Variants in SULF1 observed in about 807,000 individuals in gnomAD.
SULF1 encodes extracellular sulfatase Sulf-1.
SULF1 carries 46 observed loss-of-function variants against 110.5 expected under a neutral mutation model. That is an observed-to-expected ratio of 0.42 (90% CI 0.33 to 0.53). The LOEUF (loss-of-function observed/expected upper bound fraction) is 0.53. Among genes scored for constraint, SULF1 ranks in the 20% least tolerant of loss-of-function variants. SULF1 has a pLI of 0.12. For missense variants in SULF1, 941 were observed against 1,094.2 expected (o/e 0.86, Z 1.98); for synonymous variants, 371 against 387.1 (o/e 0.96, Z 0.49).
At chr8:69,643,011 C>T (rs1261978313) in intron 22 of SULF1, among the ~76,000 whole-genome samples, 5 of 149,460 alleles carry the variant, frequency 3.3e-5, no homozygotes, top group Non-Finnish European at 7.4e-5. Context: ...TTTTTTTTTC[C>T]CCCTTCTAAG....
intron 1 of SULF1, 106 bp downstream of exon 1, chr8:69,493,231 C>T (rs1396520841): frequency 2.0e-5 from 3 of 152,486 alleles, no homozygotes; most frequent in Admixed American, 2.0e-4. Context: ...TATTATTATT[C>T]ATTATATTCT....
At chr8:69,521,750 A>G (rs1191061003) in intron 3 of SULF1, among the ~76,000 whole-genome samples, 1 of 152,096 alleles carries the variant, frequency 6.6e-6, no homozygotes, top group Non-Finnish European at 1.5e-5. Flanking sequence ...AGGATTTTGT[A>G]CAAAGGAAAC....
At chr8:69,639,324 G>A (rs142663993) in intron 21 of SULF1, among the ~76,000 whole-genome samples, 40 of 152,304 alleles carry the variant, frequency 2.6e-4, no homozygotes, top group African/African-American at 9.4e-4. Flanking sequence ...CACTGAATTA[G>A]ATTTCTTTTG....
chr8:69,537,454 A>G (rs1813500666), intron 3 of SULF1, among the ~76,000 whole-genome samples: 1 of 152,234 alleles, frequency 6.6e-6, no homozygotes, highest in Non-Finnish European at 1.5e-5. Flanking sequence ...GACTCTGTTA[A>G]GAGATTTTTT....
chr8:69,549,978 G>A (rs1366255982), intron 3 of SULF1, among the ~76,000 whole-genome samples: 1 of 151,948 alleles, frequency 6.6e-6, no homozygotes. Context: ...GGCTGTACAT[G>A]GTGTGTGGCT....
chr8:69,521,348 G>A (rs966486138), intron 3 of SULF1, among the ~76,000 whole-genome samples: 4 of 152,090 alleles, frequency 2.6e-5, no homozygotes, highest in African/African-American at 9.7e-5. Context: ...CAGACAATAA[G>A]ACTAACCACA....
intron 8 of SULF1, among the ~76,000 whole-genome samples, chr8:69,599,654 T>C (rs1260322667): frequency 3.3e-5 from 5 of 152,222 alleles, no homozygotes; most frequent in African/African-American, 9.6e-5. Flanking sequence ...ATGTGCTTAA[T>C]AACATTGAAG....
At chr8:69,591,487 C>T (rs1806896742) in intron 8 of SULF1, among the ~76,000 whole-genome samples, 1 of 151,766 alleles carries the variant, frequency 6.6e-6, no homozygotes, top group South Asian at 2.1e-4. Context: ...TGGCATGAAC[C>T]CGGGAGGCGG....
chr8:69,617,562 C>T (rs1809281599), intron 13 of SULF1, among the ~76,000 whole-genome samples: 1 of 150,752 alleles, frequency 6.6e-6, no homozygotes, highest in Admixed American at 6.6e-5. Context: ...ATCCACCACA[C>T]CCAGCTCTGA....
chr8:69,539,473 GA>G (rs2150665407), intron 3 of SULF1, among the ~76,000 whole-genome samples: 1 of 152,260 alleles, frequency 6.6e-6, no homozygotes, highest in Admixed American at 6.5e-5. Flanking sequence ...ATGTAGATAT[GA>G]CTGCAAACAC....
chr8:69,590,701 G>A lies in SULF1; in HGVS notation c.734+1560G>A, dbSNP rs369395668. 7.9e-5 allele frequency among the ~76,000 whole-genome samples: 12 copies of A among 152,296 alleles called. No homozygotes were observed. The East Asian group carries it at 1.7e-3, about 22-fold the overall frequency. On this transcript the variant is annotated intron_variant, in intron 8 of 22. Transcript: ENST00000402687. ...TAAAATATCATCGACAAATCATGAA[G>A]GTTGCCCCAGCACCTGGGAATATAG...
Position 69,579,565 on chromosome 8 carries a change from A to AC in SULF1, c.412+3356_412+3357insC, listed in dbSNP as rs199572164. The stretch of plus-strand genomic sequence containing the variant: ...CTCTGTCACACACACACACACACAC[A>AC]AAAAAAAAAAAAAATGGGAAGACTG... On this transcript the variant is annotated intron_variant, in intron 6 of 22. Transcript: ENST00000402687. Among the ~76,000 whole-genome samples the AC allele has an allele frequency of 7.3e-3, 690 of 94,236 alleles. 10 individuals carry two copies. Among genetic ancestry groups the AC allele is most frequent in the Admixed American group, 0.063 (490 of 7,834 alleles). The allele number at this position is 94,236 out of a possible 152,430, so 61.8% of individuals were successfully genotyped here. A position where few individuals can be genotyped will look rare whatever the true frequency, so the allele number is the denominator to read the frequency against.
chr8:69,482,402 T>A (rs1281619065), intron 1 of SULF1, among the ~76,000 whole-genome samples: 1 of 152,210 alleles, frequency 6.6e-6, no homozygotes, highest in East Asian at 1.9e-4. Context: ...ACCTTATGGA[T>A]CATGCCACAT....
chr8:69,564,068 A>T lies in SULF1; in HGVS notation c.93A>T (p.Arg31Ser). ...LCSTVRSPRF[R>S]GRIQQERKNI... ...CGACTGTCAGATCCCCGAGGTTCAG[A>T]GGACGGATACAGCAGGAACGAAAAA... The change falls in exon 5 of 23, where the codon AGA becomes AGT. Residue 31 changes from arginine (R) to serine (S), a missense_variant. Coordinates refer to ENST00000402687, the MANE Select transcript of SULF1 (RefSeq NM_001128205.2). The T allele has an allele frequency of 2.5e-6, 4 of 1,614,218 alleles. No homozygotes were observed. The highest frequency in any genetic ancestry group is 3.4e-6 in the Non-Finnish European group (4 of 1,180,042).
intron 3 of SULF1, among the ~76,000 whole-genome samples, chr8:69,552,816 A>T (rs1586381644): frequency 6.6e-6 from 1 of 152,356 alleles, no homozygotes; most frequent in East Asian, 1.9e-4. Flanking sequence ...TTTGTTATGT[A>T]AAAAAATGTA....
chr8:69,532,114 T>C (rs1004787454), intron 3 of SULF1, among the ~76,000 whole-genome samples: 1 of 152,166 alleles, frequency 6.6e-6, no homozygotes, highest in Non-Finnish European at 1.5e-5. Flanking sequence ...TTCAAGAACG[T>C]TGAGAAACAA....
chr8:69,543,887 T>C (rs766927048), intron 3 of SULF1, among the ~76,000 whole-genome samples: 21 of 152,316 alleles, frequency 1.4e-4, no homozygotes, highest in Admixed American at 5.9e-4. Context: ...TGGGCAGTTC[T>C]GGGATGGCCA....
At chr8:69,608,772 A>G (rs1808418921) in intron 13 of SULF1, among the ~76,000 whole-genome samples, 2 of 152,168 alleles carry the variant, frequency 1.3e-5, no homozygotes, top group South Asian at 4.1e-4. Flanking sequence ...GAACACAACA[A>G]CCAGCGGGGA....
chr8:69,651,157 C>G (rs111405439), intron 22 of SULF1, among the ~76,000 whole-genome samples: 6,243 of 151,098 alleles, frequency 0.041, 445 homozygotes, highest in African/African-American at 0.14. Context: ...GGGTTCAAGC[C>G]ATTCTTCTTC....
Sources: allele counts gnomAD v4.1 joint callset (sites outside exome capture counted in the v4.1 genomes callset), GRCh38; gene constraint gnomAD v4.1.1; transcripts MANE v1.5; gene names NCBI Gene and HGNC (gene_info 2026-07-23, HGNC 2026-07-21).